The following XPO4 variants were observed in gnomAD, a reference collection of about 807,000 sequenced individuals.
XPO4 encodes exportin 4.
In XPO4, 39 loss-of-function variants were observed where a neutral mutation model predicts 143.0. The ratio of observed to expected loss-of-function variants is 0.27; its 90% confidence interval spans 0.21 to 0.36. XPO4 has a LOEUF of 0.36. Ranked by LOEUF, XPO4 falls within the 10% of genes least tolerant of loss-of-function variation. XPO4 has a pLI of 1.00. For missense variants in XPO4, 907 were observed against 1,348.0 expected, an observed-to-expected ratio of 0.67 and a Z score of 5.12; for synonymous variants, 439 against 474.0, an observed-to-expected ratio of 0.93 and a Z score of 0.96.
intron 4 of XPO4, chr13:20,852,808 G>A (rs2060102847): frequency 6.1e-6 from 6 of 984,698 alleles, no homozygotes; most frequent in Non-Finnish European, 6.0e-6. Context: ...TTTTTATGTA[G>A]ATATCCATTA....
chr13:20,881,258 G>A (rs2060406579), intron 1 of XPO4, among the ~76,000 whole-genome samples: 1 of 151,952 alleles, frequency 6.6e-6, no homozygotes, highest in African/African-American at 2.4e-5. Context: ...CAAATTTTAT[G>A]TTGAATTTTA....
intron 1 of XPO4, among the ~76,000 whole-genome samples, chr13:20,882,024 C>T (rs1219062015): frequency 3.3e-5 from 5 of 149,750 alleles, no homozygotes; most frequent in South Asian, 2.1e-4. Context: ...ACAGGAGAAT[C>T]GCTTGAACCT....
At chr13:20,882,496 T>C (rs2060421997) in intron 1 of XPO4, among the ~76,000 whole-genome samples, 1 of 152,164 alleles carries the variant, frequency 6.6e-6, no homozygotes, top group Non-Finnish European at 1.5e-5. Context: ...ATCCACCTCA[T>C]GACCCAAACA....
At chr13:20,845,097 G>T (rs2060017855) in intron 4 of XPO4, among the ~76,000 whole-genome samples, 1 of 152,178 alleles carries the variant, frequency 6.6e-6, no homozygotes, top group Non-Finnish European at 1.5e-5. Context: ...GCTTGAACCT[G>T]GGAGCCGAAG....
intron 13 of XPO4, among the ~76,000 whole-genome samples, chr13:20,807,095 T>C (rs954120658): frequency 3.3e-5 from 5 of 152,194 alleles, no homozygotes; most frequent in Non-Finnish European, 5.9e-5. Flanking sequence ...TGAACGATAC[T>C]TGTTGACGTT....
At chr13:20,794,326 A>G (rs1200925774) in intron 18 of XPO4, among the ~76,000 whole-genome samples, 1 of 145,150 alleles carries the variant, frequency 6.9e-6, no homozygotes, top group Non-Finnish European at 1.5e-5. Context: ...GGGGCATAGA[A>G]TAAGAATCCA....
chr13:20,803,367 G>A lies in XPO4; in HGVS notation c.1818-2377C>T, dbSNP rs1187081886. The stretch of plus-strand genomic sequence containing the variant: ...CACCTGCCAATCCACATGTTCAGAG[G>A]TAGAAGTGAAAACTTTGGCCTTTCT... On this transcript the variant is annotated intron_variant, in intron 13 of 22. Coordinates refer to ENST00000255305, the MANE Select transcript of XPO4 (RefSeq NM_022459.5). This position sits in a 1 kb window ranked among gnomAD's most constrained non-coding sequence, Gnocchi z 4.1. Among the ~76,000 whole-genome samples, 1 of 152,162 alleles carries A rather than the reference G, an allele frequency of 6.6e-6. No individual in the cohort carries two copies. The highest frequency in any genetic ancestry group is 1.9e-4 in the East Asian group (1 of 5,190).
intron 1 of XPO4, among the ~76,000 whole-genome samples, chr13:20,899,778 G>C (rs1314198903): frequency 2.0e-5 from 3 of 152,082 alleles, no homozygotes; most frequent in Non-Finnish European, 2.9e-5. Context: ...TTTGCATTTT[G>C]AATCTCAAAG....
chr13:20,810,321 A>G (rs1032692104), intron 9 of XPO4, among the ~76,000 whole-genome samples: 47 of 152,264 alleles, frequency 3.1e-4, no homozygotes, highest in African/African-American at 9.6e-4. Flanking sequence ...GGATGAAAAC[A>G]GACTGACTTA....
At chr13:20,801,401 T>C (rs1376013688) in intron 13 of XPO4, among the ~76,000 whole-genome samples, 1 of 152,214 alleles carries the variant, frequency 6.6e-6, no homozygotes, top group Non-Finnish European at 1.5e-5. Flanking sequence ...TTAGTATAGT[T>C]TGTGTTTTTA....
At chr13:20,890,353 G>A (rs183981183) in intron 1 of XPO4, among the ~76,000 whole-genome samples, 1 of 152,194 alleles carries the variant, frequency 6.6e-6, no homozygotes, top group Admixed American at 6.5e-5. Flanking sequence ...GGGAGGCTGA[G>A]GTGGGAGGAT....
intron 16 of XPO4, 58 bp from the exon 17 acceptor site, chr13:20,797,115 GC>G (rs1324202995): frequency 1.4e-6 from 2 of 1,464,864 alleles, no homozygotes; most frequent in Non-Finnish European, 1.8e-6. Context: ...TATTTCCTCT[GC>G]TTGGATACAT....
chr13:20,889,002 G>A (rs1008741954), intron 1 of XPO4, among the ~76,000 whole-genome samples: 3 of 151,964 alleles, frequency 2.0e-5, no homozygotes, highest in Admixed American at 6.6e-5. Flanking sequence ...TAGTAGAGAC[G>A]AGATTTCACC....
rs1213305212 is a variant in XPO4 at position 20,783,439 on chromosome 13, A to T, written c.*283T>A. ...ACTGCATATGTATTTCGTGGTGCCC[A>T]TATCTGTTTGCACATATATGGAATT... On this transcript the variant is annotated 3_prime_UTR_variant, in exon 23 of 23. Transcript: ENST00000255305. The T allele has an allele frequency of 4.5e-6, 2 of 441,472 alleles. No individual in the cohort carries two copies. The highest frequency in any genetic ancestry group is 8.2e-6 in the Non-Finnish European group (2 of 244,476). The allele number at this position is 441,472 out of a possible 1,614,324, so 27.3% of individuals were successfully genotyped here. A position where few individuals can be genotyped will look rare whatever the true frequency, so the allele number is the denominator to read the frequency against.
chr13:20,798,684 G>C (rs1355121755), intron 16 of XPO4, among the ~76,000 whole-genome samples: 1 of 152,070 alleles, frequency 6.6e-6, no homozygotes, highest in East Asian at 1.9e-4. Flanking sequence ...TGTAAAATAA[G>C]AAGCTTCAAC....
rs1436945054 is a variant in XPO4 at position 20,779,124 on chromosome 13, C to CT, written c.*4597dup. The CT allele has an allele frequency of 6.6e-6, 1 of 151,964 alleles. No individual in the cohort carries two copies. Among genetic ancestry groups the CT allele is most frequent in the African/African-American group, 2.4e-5 (1 of 41,368 alleles). The allele number at this position is 151,964 out of a possible 1,614,324, so 9.4% of individuals were successfully genotyped here. Reference sequence around the variant, plus strand: ...GGGTCTTTAAATAAAACTGAAAAGTCTTAGTGTAAGTTTAAAATTTTAATA... The same window carrying CT: ...GGGTCTTTAAATAAAACTGAAAAGTCTTTAGTGTAAGTTTAAAATTTTAATA... On this transcript the variant is annotated 3_prime_UTR_variant, in exon 23 of 23. Transcript: ENST00000255305.
chr13:20,899,540 C>G (rs1369823717), intron 1 of XPO4, among the ~76,000 whole-genome samples: 1 of 152,086 alleles, frequency 6.6e-6, no homozygotes, highest in Non-Finnish European at 1.5e-5. Flanking sequence ...TTTCTAGTCT[C>G]TCAGAGACGG....
intron 7 of XPO4, 69 bp downstream of exon 7, chr13:20,826,998 T>A: frequency 9.1e-7 from 1 of 1,095,012 alleles, no homozygotes; most frequent in Admixed American, 1.7e-5. Context: ...CTGTTTTACT[T>A]AAGAAACTCG....
At chr13:20,785,470 C>T (rs1186377790) in intron 22 of XPO4, among the ~76,000 whole-genome samples, 3 of 151,744 alleles carry the variant, frequency 2.0e-5, no homozygotes, top group South Asian at 2.1e-4. Context: ...TTCAGGAGTT[C>T]GATACAAGCC....
Sources: gnomAD v4.1 joint callset for allele counts (sites outside exome capture counted in the v4.1 genomes callset) on GRCh38, gnomAD v4.1.1 for gene constraint, Gnocchi (gnomAD v3.1) non-coding constraint, MANE v1.5 for transcripts, NCBI Gene and HGNC (gene_info 2026-07-23, HGNC 2026-07-21) for gene names.